The following SPMIP2 variants were observed in gnomAD, a reference collection of about 807,000 sequenced individuals.
SPMIP2 encodes protein SPMIP2.
chr4:159,076,110 T>C, the SPMIP2 span, among the ~76,000 whole-genome samples: 1 of 152,186 alleles, frequency 6.6e-6, no homozygotes, highest in African/African-American at 2.4e-5. Flanking sequence ...CCAACAACTG[T>C]GAGTCAGACA....
chr4:159,077,602 T>C, the SPMIP2 span, among the ~76,000 whole-genome samples: 28,842 of 152,142 alleles, frequency 0.19, 2,740 homozygotes, highest in Admixed American at 0.25. Context: ...CCCAGCTGTA[T>C]TAGAAATGTA....
the SPMIP2 span, among the ~76,000 whole-genome samples, chr4:158,971,432 T>C: frequency 6.6e-6 from 1 of 152,212 alleles, no homozygotes; most frequent in Non-Finnish European, 1.5e-5. Flanking sequence ...AAACTGGTCT[T>C]CTTTGGAATA....
At chr4:158,895,610 G>C in the SPMIP2 span, 2 of 609,090 alleles carry the variant, frequency 3.3e-6, no homozygotes, top group Non-Finnish European at 5.9e-6. Flanking sequence ...GTTTGAGATG[G>C]CTTGTGATTT....
At chr4:159,047,473 T>C in the SPMIP2 span, among the ~76,000 whole-genome samples, 9 of 152,188 alleles carry the variant, frequency 5.9e-5, no homozygotes, top group Admixed American at 4.6e-4. Context: ...TTCTTCTCAT[T>C]CCTGCCTTGT....
At chr4:159,042,339 A>G in the SPMIP2 span, among the ~76,000 whole-genome samples, 1 of 152,134 alleles carries the variant, frequency 6.6e-6, no homozygotes, top group Non-Finnish European at 1.5e-5. Flanking sequence ...CTGCTGCTCA[A>G]ACCTGTTTTA....
chr4:158,907,255 GTATTT>G, the SPMIP2 span: 1 of 152,142 alleles, frequency 6.6e-6, no homozygotes, highest in African/African-American at 2.4e-5. Flanking sequence ...TAATTCCAAA[GTATTT>G]TATTTTTTAT....
At chr4:159,066,617 ATATAG>A in the SPMIP2 span, among the ~76,000 whole-genome samples, 21,749 of 70,130 alleles carry the variant, frequency 0.31, 1,736 homozygotes, top group East Asian at 0.44. Context: ...ATATATATAT[ATATAG>A]TATTAAAGGG....
At chr4:158,987,958 C>G in the SPMIP2 span, among the ~76,000 whole-genome samples, 10 of 152,058 alleles carry the variant, frequency 6.6e-5, no homozygotes, top group Admixed American at 5.2e-4. Context: ...AATCCAGGAG[C>G]TGGTTTTTTG....
the SPMIP2 span, among the ~76,000 whole-genome samples, chr4:158,942,402 T>A: frequency 3.5e-4 from 53 of 152,322 alleles, no homozygotes; most frequent in South Asian, 1.2e-3. Context: ...TCCCTGATGT[T>A]AACAGGCTTT....
At chr4:158,915,359 C>T in the SPMIP2 span, 19 of 1,605,234 alleles carry the variant, frequency 1.2e-5, no homozygotes, top group Non-Finnish European at 1.5e-5. Context: ...GTTTTGGTTG[C>T]CTGGAATAGG....
chr4:159,058,968 G>A, the SPMIP2 span, among the ~76,000 whole-genome samples: 23 of 152,140 alleles, frequency 1.5e-4, no homozygotes, highest in South Asian at 1.9e-3. Flanking sequence ...AAATACAGTA[G>A]GTAAAAAAAT....
chr4:159,050,882 G>A, the SPMIP2 span, among the ~76,000 whole-genome samples: 1 of 152,044 alleles, frequency 6.6e-6, no homozygotes, highest in Non-Finnish European at 1.5e-5. Context: ...GCTGAGCCAG[G>A]TGGATCATCA....
At chr4:159,035,569 T>A in the SPMIP2 span, among the ~76,000 whole-genome samples, 1 of 152,074 alleles carries the variant, frequency 6.6e-6, no homozygotes, top group African/African-American at 2.4e-5. Context: ...CAGTAAAAAA[T>A]AACATTAATA....
chr4:158,960,261 T>C, the SPMIP2 span: 1 of 1,380,792 alleles, frequency 7.2e-7, no homozygotes, highest in Non-Finnish European at 1.0e-6. Context: ...CAGTAATTAA[T>C]AAAAATATAT....
At chr4:159,005,451 A>G in the SPMIP2 span, among the ~76,000 whole-genome samples, 3 of 152,100 alleles carry the variant, frequency 2.0e-5, no homozygotes, top group Non-Finnish European at 4.4e-5. Context: ...TCTCAAAACA[A>G]AACAATAATA....
chr4:159,007,694 G>A, the SPMIP2 span: 1 of 704,400 alleles, frequency 1.4e-6, no homozygotes, highest in Non-Finnish European at 2.5e-6. Context: ...TGGTGCACCA[G>A]CGAGATGAGG....
the SPMIP2 span, among the ~76,000 whole-genome samples, chr4:159,052,566 G>A: frequency 2.6e-5 from 4 of 152,074 alleles, no homozygotes; most frequent in Non-Finnish European, 4.4e-5. Flanking sequence ...TTCCGTAGAT[G>A]GGGTAGTGAT....
the SPMIP2 span, among the ~76,000 whole-genome samples, chr4:158,956,216 C>T: frequency 6.6e-6 from 1 of 152,246 alleles, no homozygotes; most frequent in African/African-American, 2.4e-5. Context: ...TCAGTTGTCA[C>T]TAGCGGCTCT....
the SPMIP2 span, among the ~76,000 whole-genome samples, chr4:158,983,465 G>A: frequency 1.8e-4 from 27 of 151,728 alleles, no homozygotes; most frequent in Middle Eastern, 3.4e-3. Flanking sequence ...CGGATCTCTC[G>A]GCAGAAACTC....
Sources: gnomAD v4.1 joint callset for allele counts (sites outside exome capture counted in the v4.1 genomes callset) on GRCh38, gnomAD v4.1.1 for gene constraint, MANE v1.5 for transcripts, NCBI Gene and HGNC (gene_info 2026-07-23, HGNC 2026-07-21) for gene names.